Variants in WASF1 observed in about 807,000 individuals in gnomAD.
WASF1 encodes actin-binding protein WASF1.
In WASF1, 7 loss-of-function variants were observed where a neutral mutation model predicts 50.5. The observed-to-expected ratio is 0.14, with a 90% confidence interval of 0.08 to 0.26. The LOEUF (loss-of-function observed/expected upper bound fraction) is 0.26. Ranked by LOEUF, WASF1 falls within the 10% of genes least tolerant of loss-of-function variation. The pLI is 1.00. For missense variants in WASF1, 470 were observed against 694.7 expected (o/e 0.68, Z 3.64); for synonymous variants, 205 against 244.0 (o/e 0.84, Z 1.49).
In WASF1 at chr6:110,103,443, A is replaced by C. The variant is rs1161596585; in HGVS notation, c.828T>G (p.His276Gln). 1 of 1,613,992 alleles carries C rather than the reference A, an allele frequency of 6.2e-7. No homozygotes were observed. Among genetic ancestry groups the C allele is most frequent in the Admixed American group, 1.7e-5 (1 of 60,004 alleles). The change falls in exon 9 of 11, where the codon CAT becomes CAG. Residue 276 changes from histidine (H) to glutamine (Q), a missense_variant. This residue lies in a region of WASF1 where 294 missense variants were observed against 343.5 expected (regional missense o/e 0.86). Coordinates refer to ENST00000392589, the MANE Select transcript of WASF1 (RefSeq NM_003931.3). ...RAEERVLVRP[H>Q]EPPPPPPMHG... ...GCATTGGTGGAGGTGGAGGTGGTTC[A>C]TGTGGTCTGACTAATACCCTTTCCT...
chr6:110,127,746 GCCTGGGT>G, intron 3 of WASF1, 117 bp from the exon 4 acceptor site: 1 of 945,188 alleles, frequency 1.1e-6, no homozygotes, highest in Non-Finnish European at 1.4e-6. Flanking sequence ...GATTTGAACT[GCCTGGGT>G]CCACTTACTG....
chr6:110,108,131 C>T, intron 6 of WASF1, among the ~76,000 whole-genome samples: 1 of 109,138 alleles, frequency 9.2e-6, no homozygotes, highest in South Asian at 3.5e-4. Context: ...AAGTGAGACT[C>T]CGCCTCAAAA....
chr6:110,142,206 T>C (rs1775275892), intron 3 of WASF1, among the ~76,000 whole-genome samples: 1 of 152,228 alleles, frequency 6.6e-6, no homozygotes. Flanking sequence ...TTCTTCATCT[T>C]TATGGGCTAG....
intron 3 of WASF1, among the ~76,000 whole-genome samples, chr6:110,153,849 A>ATACGCCT (rs1440850412): frequency 6.6e-6 from 1 of 152,024 alleles, no homozygotes; most frequent in African/African-American, 2.4e-5. Flanking sequence ...TGGTAATTTG[A>ATACGCCT]GGTTTATGCT....
At position 110,100,420 on chromosome 6, in the gene WASF1, G is replaced by T; in HGVS notation, c.*102C>A. The T allele has an allele frequency of 8.8e-7, 1 of 1,136,514 alleles. No homozygotes were observed. Among genetic ancestry groups the T allele is most frequent in the Non-Finnish European group, 1.2e-6 (1 of 849,588 alleles). 70.4% of individuals were successfully genotyped at this position (1,136,514 alleles called of 1,614,324 possible). ...GGAGGAAAAGGGTCATTTATTATAA[G>T]GAAAAGAAAGCAAAACACTAGAATG... On this transcript the variant is annotated 3_prime_UTR_variant, in exon 11 of 11. Transcript: ENST00000392589.
rs66645132 is a variant in WASF1 at position 110,155,536 on chromosome 6, CTTTTTTTTTTTTTTT to C, written c.-29+5084_-29+5098del. On this transcript the variant is annotated intron_variant, in intron 3 of 10. Transcript: ENST00000392589. ...GACTACATTATTTCTAAAGTGCCTT[CTTTTTTTTTTTTTTT>C]TTTTTTTTTTTTTTATTATACTCTA... Among the ~76,000 whole-genome samples the C allele has an allele frequency of 6.6e-3, 302 of 45,996 alleles. 27 individuals are homozygous for C. Among genetic ancestry groups the C allele is most frequent in the African/African-American group, 0.022 (292 of 13,294 alleles). The allele number at this position is 45,996 out of a possible 152,430, so 30.2% of individuals were successfully genotyped here.
rs56948481 is a variant in WASF1, at chr6:110,118,347, C to CAAAAAAA, written c.134-4894_134-4888dup. On this transcript the variant is annotated intron_variant, in intron 4 of 10. Transcript: ENST00000392589. ...GAAGATCTACCAAGCAAACGGAAAG[C>CAAAAAAA]AAAAAAAAAAAAAAAAAAAAAAAAA... is the stretch of plus-strand genomic sequence containing the variant. 9.3e-4 allele frequency among the ~76,000 whole-genome samples: 7 copies of CAAAAAAA among 7,500 alleles called. 2 individuals carry two copies. The highest frequency in any genetic ancestry group is 1.5e-3 in the Non-Finnish European group (6 of 3,924). The allele number at this position is 7,500 out of a possible 152,430, so 4.9% of individuals were successfully genotyped here. A position where few individuals can be genotyped will look rare whatever the true frequency, so the allele number is the denominator to read the frequency against.
chr6:110,169,565 T>G (rs1475173899), intron 2 of WASF1, among the ~76,000 whole-genome samples: 1 of 152,180 alleles, frequency 6.6e-6, no homozygotes. Flanking sequence ...TACACAAATC[T>G]GATACACTGC....
At chr6:110,123,154 G>A (rs531284872) in intron 4 of WASF1, among the ~76,000 whole-genome samples, 62 of 152,140 alleles carry the variant, frequency 4.1e-4, no homozygotes, top group African/African-American at 1.4e-3. Flanking sequence ...GTAGACTGTA[G>A]CATTTATATA....
intron 2 of WASF1, among the ~76,000 whole-genome samples, chr6:110,161,314 T>C (rs938587075): frequency 6.6e-6 from 1 of 151,594 alleles, no homozygotes; most frequent in Non-Finnish European, 1.5e-5. Context: ...AGAAAACATA[T>C]GTTCTTAGGA....
intron 3 of WASF1, among the ~76,000 whole-genome samples, chr6:110,134,282 C>A (rs1774838785): frequency 6.6e-6 from 1 of 152,060 alleles, no homozygotes; most frequent in African/African-American, 2.4e-5. Context: ...ATGTGGCTTG[C>A]CGATTATCGC....
Position 110,144,805 on chromosome 6 carries a change from T to A in WASF1, c.-29+15830A>T, listed in dbSNP as rs1469114452. 2.6e-5 allele frequency among the ~76,000 whole-genome samples: 4 copies of A among 152,326 alleles called. No homozygotes were observed. In the South Asian group the frequency reaches 6.2e-4, roughly 24 times the overall value. Reference sequence around the variant, plus strand: ...ATTATTTCTGAGGGCTCTGTTCTGTTCCATTGGTCTATCTCTCTGTTTTGG... The same window carrying A: ...ATTATTTCTGAGGGCTCTGTTCTGTACCATTGGTCTATCTCTCTGTTTTGG... On this transcript the variant is annotated intron_variant, in intron 3 of 10. Transcript: ENST00000392589.
At chr6:110,115,496 GAATGTCTTTTAA>G (rs1773764116) in intron 4 of WASF1, among the ~76,000 whole-genome samples, 1 of 152,208 alleles carries the variant, frequency 6.6e-6, no homozygotes, top group Non-Finnish European at 1.5e-5. Context: ...GCCAGTAAGG[GAATGTCTTTTAA>G]AATTCTTGTG....
intron 2 of WASF1, among the ~76,000 whole-genome samples, chr6:110,163,452 G>A (rs572710955): frequency 6.6e-6 from 1 of 151,406 alleles, no homozygotes; most frequent in Non-Finnish European, 1.5e-5. Flanking sequence ...CAGAAAGCTC[G>A]AGAGAGTGCT....
chr6:110,165,336 C>T (rs1776430094), intron 2 of WASF1, among the ~76,000 whole-genome samples: 2 of 151,642 alleles, frequency 1.3e-5, no homozygotes, highest in South Asian at 4.1e-4. Flanking sequence ...GAACCTAAAA[C>T]TGATCTAAAA....
intron 4 of WASF1, among the ~76,000 whole-genome samples, chr6:110,126,469 T>C (rs1029902265): frequency 1.3e-5 from 2 of 152,214 alleles, no homozygotes; most frequent in South Asian, 2.1e-4. Context: ...TCGCTACAGG[T>C]ATGCCTAAAC....
chr6:110,128,357 G>A (rs1774506319), intron 3 of WASF1, among the ~76,000 whole-genome samples: 1 of 152,144 alleles, frequency 6.6e-6, no homozygotes, highest in Admixed American at 6.5e-5. Context: ...GTTAGTGTGA[G>A]ATGTCCTCTC....
At chr6:110,174,648 T>C (rs1023528447) in intron 2 of WASF1, among the ~76,000 whole-genome samples, 4 of 152,166 alleles carry the variant, frequency 2.6e-5, no homozygotes, top group African/African-American at 7.2e-5. Flanking sequence ...AGGGCTATGA[T>C]AGCAATTAAA....
At chr6:110,130,683 A>C (rs1562173175) in intron 3 of WASF1, among the ~76,000 whole-genome samples, 1 of 152,226 alleles carries the variant, frequency 6.6e-6, no homozygotes, top group Admixed American at 6.5e-5. Flanking sequence ...ATTCATGCAC[A>C]TGTGTCTTAG....
Sources: gnomAD v4.1 joint callset for allele counts (sites outside exome capture counted in the v4.1 genomes callset) on GRCh38, gnomAD v4.1.1 for gene constraint, gnomAD v4.1.1 regional missense constraint, MANE v1.5 for transcripts, NCBI Gene and HGNC (gene_info 2026-07-23, HGNC 2026-07-21) for gene names.